The following ADGRV1 variants were observed in gnomAD, a reference collection of about 807,000 sequenced individuals.
ADGRV1 encodes the protein adhesion G protein-coupled receptor V1, also known as G-protein coupled receptor 98.
ADGRV1 carries 359 observed loss-of-function variants against 596.2 expected under a neutral mutation model. The ratio of observed to expected loss-of-function variants is 0.60; its 90% confidence interval spans 0.55 to 0.66. ADGRV1 has a LOEUF of 0.66. Among genes scored for constraint, ADGRV1 ranks in the 30% least tolerant of loss-of-function variants. The pLI, the probability that ADGRV1 is intolerant of heterozygous loss-of-function variation, is 0.00. For missense variants in ADGRV1, 7,274 were observed against 7,575.6 expected (o/e 0.96, Z 1.48); for synonymous variants, 2,681 against 2,679.2 (o/e 1.00, Z -0.02).
At chr5:90,560,746 A>G (rs1235451582) in intron 1 of ADGRV1, among the ~76,000 whole-genome samples, 1 of 152,194 alleles carries the variant, frequency 6.6e-6, no homozygotes, top group East Asian at 1.9e-4. Context: ...TTACATATTT[A>G]TGCTGTATAT....
chr5:90,560,294 A>G (rs908275361), intron 1 of ADGRV1, among the ~76,000 whole-genome samples: 3 of 152,154 alleles, frequency 2.0e-5, no homozygotes, highest in Non-Finnish European at 2.9e-5. Flanking sequence ...AAAATTTACA[A>G]CTGAAGTACG....
intron 45 of ADGRV1, 84 bp from the exon 46 acceptor site, chr5:90,724,748 T>C: frequency 8.1e-7 from 1 of 1,231,282 alleles, no homozygotes; most frequent in Non-Finnish European, 1.2e-6. Context: ...CAAATGCACT[T>C]GTCTCATTGT....
intron 6 of ADGRV1, 143 bp from the exon 7 acceptor site, chr5:90,627,068 A>G: frequency 2.0e-6 from 1 of 511,812 alleles, no homozygotes; most frequent in Non-Finnish European, 3.4e-6. Context: ...TGGAGACTAA[A>G]CAAGCCTTTC....
chr5:90,629,192 T>A lies in ADGRV1; in HGVS notation c.1510-18T>A, dbSNP rs1338420756. The A allele has an allele frequency of 3.5e-6, 5 of 1,435,046 alleles. No individual in the cohort carries two copies. Among genetic ancestry groups the A allele is most frequent in the South Asian group, 3.2e-5 (2 of 63,206 alleles). The allele number at this position is 1,435,046 out of a possible 1,614,324, so 88.9% of individuals were successfully genotyped here. A position where few individuals can be genotyped will look rare whatever the true frequency, so the allele number is the denominator to read the frequency against. ...ATGCGAGAATTCTGTACTTTAATATTTTATTCCTTTACTTCAGCTTTTGTT... is the reference window on the plus strand; with the variant it reads ...ATGCGAGAATTCTGTACTTTAATATATTATTCCTTTACTTCAGCTTTTGTT... On this transcript the variant is annotated intron_variant, in intron 8 of 89. Transcript: ENST00000405460.
At chr5:90,565,233 A>T (rs943654146) in intron 1 of ADGRV1, among the ~76,000 whole-genome samples, 1 of 152,096 alleles carries the variant, frequency 6.6e-6, no homozygotes, top group Non-Finnish European at 1.5e-5. Context: ...GCAAAACTCC[A>T]TCTCAAAAAA....
chr5:90,817,890 G>A (rs1211109980), intron 75 of ADGRV1, among the ~76,000 whole-genome samples: 5 of 152,114 alleles, frequency 3.3e-5, no homozygotes, highest in Non-Finnish European at 7.4e-5. Flanking sequence ...TTGCCTTGGC[G>A]ATGCAGGCTC....
intron 42 of ADGRV1, among the ~76,000 whole-genome samples, chr5:90,712,847 TG>T (rs781753655): frequency 1.1e-4 from 17 of 152,252 alleles, no homozygotes; most frequent in Admixed American, 9.8e-4. Context: ...TCATCTACTC[TG>T]TAGTATTTCC....
intron 80 of ADGRV1, among the ~76,000 whole-genome samples, chr5:90,853,851 G>C (rs1402952965): frequency 3.9e-5 from 6 of 152,116 alleles, no homozygotes; most frequent in African/African-American, 1.4e-4. Flanking sequence ...AGTGTTGTCA[G>C]CTGAAGACTG....
intron 87 of ADGRV1, among the ~76,000 whole-genome samples, chr5:91,129,029 C>G (rs1171260162): frequency 2.0e-5 from 3 of 152,158 alleles, no homozygotes; most frequent in Non-Finnish European, 4.4e-5. Flanking sequence ...TTAATTTTCT[C>G]TGTTCTAAGA....
chr5:91,080,608 A>AC (rs1212927794), intron 86 of ADGRV1, among the ~76,000 whole-genome samples: 8 of 151,480 alleles, frequency 5.3e-5, no homozygotes. Flanking sequence ...AAAAAAAAAA[A>AC]AAACTTGAAG....
chr5:91,028,696 G>C (rs2151216817), intron 85 of ADGRV1, among the ~76,000 whole-genome samples: 1 of 144,918 alleles, frequency 6.9e-6, no homozygotes, highest in South Asian at 2.2e-4. Flanking sequence ...CACCCAACAT[G>C]TCTGAGCCAA....
At chr5:91,096,848 T>G (rs1790916011) in intron 86 of ADGRV1, among the ~76,000 whole-genome samples, 1 of 152,138 alleles carries the variant, frequency 6.6e-6, no homozygotes, top group South Asian at 2.1e-4. Context: ...AAACAGAAAC[T>G]CTATATCCAT....
At chr5:90,848,083 C>A (rs1399982921) in intron 78 of ADGRV1, among the ~76,000 whole-genome samples, 1 of 152,054 alleles carries the variant, frequency 6.6e-6, no homozygotes, top group Non-Finnish European at 1.5e-5. Flanking sequence ...AAACAAATAA[C>A]CCAGTTTTTT....
chr5:90,565,043 T>G lies in ADGRV1; in HGVS notation c.22+6126T>G, dbSNP rs893384301. ...TGAGGTCAGGAGTTTGAGACCAGCC[T>G]GACCAACATGGTGAAACCCTGTCTA... On this transcript the variant is annotated intron_variant, in intron 1 of 89. Transcript: ENST00000405460. 3.9e-5 allele frequency among the ~76,000 whole-genome samples: 6 copies of G among 152,126 alleles called. No homozygotes were observed. The East Asian group carries it at 1.2e-3, about 29-fold the overall frequency.
chr5:90,909,715 G>A (rs1009052885), intron 83 of ADGRV1, among the ~76,000 whole-genome samples: 1 of 151,988 alleles, frequency 6.6e-6, no homozygotes, highest in Non-Finnish European at 1.5e-5. Flanking sequence ...TCGTTCTCTA[G>A]GCCAGTGACC....
chr5:90,707,805 T>C (rs1195907959), intron 38 of ADGRV1, among the ~76,000 whole-genome samples: 1 of 152,142 alleles, frequency 6.6e-6, no homozygotes, highest in African/African-American at 2.4e-5. Flanking sequence ...CCTAGATCTT[T>C]GCAACCTTTT....
chr5:90,861,137 A>T (rs1362761688), intron 82 of ADGRV1, among the ~76,000 whole-genome samples: 1 of 152,112 alleles, frequency 6.6e-6, no homozygotes, highest in Non-Finnish European at 1.5e-5. Flanking sequence ...TCTCTAATCC[A>T]CATAGTGGTA....
intron 1 of ADGRV1, among the ~76,000 whole-genome samples, chr5:90,591,159 A>G (rs767974956): frequency 6.6e-6 from 1 of 152,170 alleles, no homozygotes; most frequent in Non-Finnish European, 1.5e-5. Flanking sequence ...TGGGAGGCCA[A>G]GGTGGGTGGA....
At chr5:91,020,184 A>G (rs980888208) in intron 85 of ADGRV1, among the ~76,000 whole-genome samples, 1 of 151,936 alleles carries the variant, frequency 6.6e-6, no homozygotes, top group Admixed American at 6.6e-5. Context: ...AGTCCCAGCA[A>G]TTGTTCTTGT....
Sources: gnomAD v4.1 joint callset for allele counts (sites outside exome capture counted in the v4.1 genomes callset) on GRCh38, gnomAD v4.1.1 for gene constraint, MANE v1.5 for transcripts, NCBI Gene and HGNC (gene_info 2026-07-23, HGNC 2026-07-21) for gene names.